PLEKHG1: variants seen among roughly 807,000 people sequenced by gnomAD.
PLEKHG1 encodes pleckstrin homology domain-containing family G member 1.
Under a neutral mutation model 100.8 loss-of-function variants are expected in PLEKHG1, and 44 were observed. That is an observed-to-expected ratio of 0.44 (90% CI 0.34 to 0.56). The LOEUF is 0.56. PLEKHG1 is among the 20% of genes least tolerant of loss of function. PLEKHG1 has a pLI of 0.01. For synonymous variants in PLEKHG1, 640 were observed against 662.5 expected (o/e 0.97, Z 0.52); for missense variants, 1,545 against 1,720.9 (o/e 0.90, Z 1.81).
chr6:150,745,711 C>T lies in PLEKHG1; in HGVS notation c.411+11619C>T, dbSNP rs368485787. ...AAAAAAAAAAAAGCAAAATCACATGCGGAGAAAAATGGGGTACCAAGAACA... is the reference window on the plus strand; with the variant it reads ...AAAAAAAAAAAAGCAAAATCACATGTGGAGAAAAATGGGGTACCAAGAACA... On this transcript the variant is annotated intron_variant, in intron 2 of 15. Coordinates refer to ENST00000358517, the Ensembl canonical transcript of PLEKHG1. Among the ~76,000 whole-genome samples the T allele has an allele frequency of 4.8e-4, 72 of 149,780 alleles. 2 individuals carry two copies. The South Asian group carries it at 0.012, about 25-fold the overall frequency.
At chr6:150,805,691 C>T (rs1025597737) in intron 7 of PLEKHG1, among the ~76,000 whole-genome samples, 10 of 152,054 alleles carry the variant, frequency 6.6e-5, no homozygotes, top group Non-Finnish European at 1.3e-4. Context: ...CCACGCCCGG[C>T]TCATTTTGTA....
At chr6:150,653,426 T>C (rs1455114424) in intron 3 of PLEKHG1, among the ~76,000 whole-genome samples, 1 of 151,786 alleles carries the variant, frequency 6.6e-6, no homozygotes, top group African/African-American at 2.4e-5. Context: ...TGAGATTCAG[T>C]GATTTGAATG....
chr6:150,634,001 G>A (rs1281682460), intron 1 of PLEKHG1, among the ~76,000 whole-genome samples: 1 of 148,896 alleles, frequency 6.7e-6, no homozygotes, highest in African/African-American at 2.5e-5. Context: ...CAGCACTTTG[G>A]GAGGCCGAGG....
chr6:150,690,442 C>A (rs1780312599), intron 3 of PLEKHG1, among the ~76,000 whole-genome samples: 1 of 152,120 alleles, frequency 6.6e-6, no homozygotes, highest in African/African-American at 2.4e-5. Context: ...CTTTTCATAC[C>A]TCACTAGAGT....
chr6:150,786,321 A>T, intron 3 of PLEKHG1, 69 bp from the exon 5 acceptor site: 1 of 1,020,094 alleles, frequency 9.8e-7, no homozygotes, highest in Non-Finnish European at 1.5e-6. Flanking sequence ...TTAAACTTTT[A>T]AATTATACAA....
chr6:150,672,850 A>G (rs1779624382), intron 3 of PLEKHG1, among the ~76,000 whole-genome samples: 1 of 152,214 alleles, frequency 6.6e-6, no homozygotes, highest in Admixed American at 6.5e-5. Flanking sequence ...GACTGAAAGC[A>G]TGAGTGTCTA....
chr6:150,715,542 C>T (rs1781396853), intron 3 of PLEKHG1, among the ~76,000 whole-genome samples: 1 of 146,800 alleles, frequency 6.8e-6, no homozygotes, highest in African/African-American at 2.5e-5. Context: ...GGCTGGAGTG[C>T]AGTGGCATGA....
At chr6:150,638,331 T>C (rs1044269603) in intron 2 of PLEKHG1, among the ~76,000 whole-genome samples, 1 of 152,198 alleles carries the variant, frequency 6.6e-6, no homozygotes, top group Non-Finnish European at 1.5e-5. Context: ...CGTTTTTTAA[T>C]GTGTTTCCTT....
Position 150,831,305 on chromosome 6 carries a change from C to A in PLEKHG1, c.2194C>A (p.His732Asn), listed in dbSNP as rs768566636. The change falls in exon 15 of 16, where the codon CAT becomes AAT. Residue 732 changes from histidine (H) to asparagine (N), a missense_variant. Transcript: ENST00000358517. This position sits in a 1 kb window ranked among gnomAD's most constrained non-coding sequence, Gnocchi z 4.1. ...TGGAGAGGCATCCAGCCAAAGCACG[C>A]ATGAACTCCAAGCGGTTGAGGAGAA... 1.9e-6 allele frequency: 3 copies of A among 1,614,142 alleles called. No homozygotes were observed. The highest frequency in any genetic ancestry group is 2.7e-5 in the African/African-American group (2 of 75,040).
At chr6:150,744,828 G>A (rs1251895639) in intron 2 of PLEKHG1, among the ~76,000 whole-genome samples, 1 of 152,166 alleles carries the variant, frequency 6.6e-6, no homozygotes. Flanking sequence ...GTCAGTCCAA[G>A]GAAATCCGGG....
chr6:150,647,595 CT>C (rs1778556358), intron 2 of PLEKHG1, among the ~76,000 whole-genome samples: 1 of 152,022 alleles, frequency 6.6e-6, no homozygotes, highest in Non-Finnish European at 1.5e-5. Flanking sequence ...AAAATATGAC[CT>C]GTTTCACCGT....
chr6:150,604,574 C>A (rs1457888539), intron 1 of PLEKHG1, among the ~76,000 whole-genome samples: 1 of 152,182 alleles, frequency 6.6e-6, no homozygotes, highest in Non-Finnish European at 1.5e-5. Flanking sequence ...AGTGTCCTTC[C>A]GTATTTTCGT....
At chr6:150,712,296 G>T (rs1781269170) in intron 3 of PLEKHG1, among the ~76,000 whole-genome samples, 1 of 152,162 alleles carries the variant, frequency 6.6e-6, no homozygotes, top group Non-Finnish European at 1.5e-5. Flanking sequence ...AAACCTACCT[G>T]GAAGGCAGCC....
intron 3 of PLEKHG1, among the ~76,000 whole-genome samples, chr6:150,688,838 T>C (rs1780240725): frequency 6.6e-6 from 1 of 152,182 alleles, no homozygotes; most frequent in Non-Finnish European, 1.5e-5. Context: ...AATTCAATGG[T>C]TTTTGGTATA....
intron 1 of PLEKHG1, among the ~76,000 whole-genome samples, chr6:150,618,176 C>G (rs1010653584): frequency 2.0e-5 from 3 of 152,070 alleles, no homozygotes; most frequent in Admixed American, 6.5e-5. Flanking sequence ...TAGTTTTGAC[C>G]TGAATATTGT....
At chr6:150,752,734 G>C (rs912082670) in intron 2 of PLEKHG1, among the ~76,000 whole-genome samples, 37 of 152,264 alleles carry the variant, frequency 2.4e-4, no homozygotes, top group African/African-American at 8.2e-4. Context: ...ACTCTGTAAG[G>C]GGAGGAGGTT....
At chr6:150,609,965 C>A (rs558965410) in intron 1 of PLEKHG1, among the ~76,000 whole-genome samples, 1 of 152,180 alleles carries the variant, frequency 6.6e-6, no homozygotes, top group African/African-American at 2.4e-5. Flanking sequence ...AAGAAAAGTA[C>A]CCAAAGCGGC....
chr6:150,797,398 G>A (rs892017601), intron 5 of PLEKHG1, among the ~76,000 whole-genome samples: 9 of 152,136 alleles, frequency 5.9e-5, no homozygotes, highest in African/African-American at 1.9e-4. Context: ...GCTGCATGTG[G>A]TGGTGTGCAC....
At chr6:150,607,590 A>G (rs1487663867) in intron 1 of PLEKHG1, among the ~76,000 whole-genome samples, 1 of 152,256 alleles carries the variant, frequency 6.6e-6, no homozygotes, top group Non-Finnish European at 1.5e-5. Flanking sequence ...GGAAACAAGT[A>G]AAGGTGAACG....
Sources: gnomAD v4.1 joint callset for allele counts (sites outside exome capture counted in the v4.1 genomes callset) on GRCh38, gnomAD v4.1.1 for gene constraint, Gnocchi (gnomAD v3.1) non-coding constraint, MANE v1.5 for transcripts, NCBI Gene and HGNC (gene_info 2026-07-23, HGNC 2026-07-21) for gene names.